Variants in PLA2G12A observed in about 807,000 individuals in gnomAD.
PLA2G12A encodes the protein phospholipase A2 group XIIA, also known as group XIIA secretory phospholipase A2.
PLA2G12A carries 11 observed loss-of-function variants against 16.0 expected under a neutral mutation model. The observed-to-expected ratio is 0.69, with a 90% CI of 0.43 to 1.13. The LOEUF (loss-of-function observed/expected upper bound fraction) is 1.13, where lower values mean the gene tolerates loss of function less well. Ranked by LOEUF, PLA2G12A falls within the 50% of genes most tolerant of loss-of-function variation. The pLI is 0.00. For missense variants in PLA2G12A, 214 were observed against 237.3 expected (o/e 0.90, Z 0.65); for synonymous variants, 77 against 93.8 (o/e 0.82, Z 1.03).
At chr4:109,715,538 T>TGCAG (rs1366499023) in intron 3 of PLA2G12A, among the ~76,000 whole-genome samples, 6 of 152,254 alleles carry the variant, frequency 3.9e-5, no homozygotes, top group Admixed American at 2.6e-4. Context: ...CAGGCTGGAG[T>TGCAG]GCAGTGGCAT....
chr4:109,723,209 T>C (rs1234701189), intron 1 of PLA2G12A, among the ~76,000 whole-genome samples: 1 of 81,412 alleles, frequency 1.2e-5, no homozygotes, highest in Non-Finnish European at 2.3e-5. Context: ...ACATAGACAG[T>C]AGTAAAAAAA....
At chr4:109,716,980 G>A (rs1394947320) in intron 3 of PLA2G12A, among the ~76,000 whole-genome samples, 1 of 152,210 alleles carries the variant, frequency 6.6e-6, no homozygotes, top group Non-Finnish European at 1.5e-5. Context: ...AGTTCCAAAA[G>A]ATGGTAAATG....
At chr4:109,727,283 G>T (rs1424686554) in intron 1 of PLA2G12A, among the ~76,000 whole-genome samples, 1 of 151,812 alleles carries the variant, frequency 6.6e-6, no homozygotes, top group Non-Finnish European at 1.5e-5. Context: ...GCTAATTTTT[G>T]TATTTTTAGT....
At chr4:109,721,257 G>C (rs1376415250) in intron 1 of PLA2G12A, among the ~76,000 whole-genome samples, 3 of 152,106 alleles carry the variant, frequency 2.0e-5, no homozygotes, top group Non-Finnish European at 4.4e-5. Context: ...AGATGACTCA[G>C]GCTATCACAG....
intron 1 of PLA2G12A, among the ~76,000 whole-genome samples, chr4:109,721,536 C>G (rs1209157093): frequency 6.6e-6 from 1 of 151,904 alleles, no homozygotes; most frequent in Non-Finnish European, 1.5e-5. Context: ...TGGCCAGGCT[C>G]GTCTCAAACT....
chr4:109,710,137 T>C lies in PLA2G12A; in HGVS notation c.*4240A>G, dbSNP rs1730695300. Reference sequence around the variant, plus strand: ...CAAACTAAAAATGCTACTTCAAATATAGCAACAGTCACTACATAAGGCTTA... The same window carrying C: ...CAAACTAAAAATGCTACTTCAAATACAGCAACAGTCACTACATAAGGCTTA... On this transcript the variant is annotated 3_prime_UTR_variant, in exon 4 of 4. Transcript: ENST00000243501. The C allele has an allele frequency of 2.0e-5, 3 of 152,222 alleles. No homozygotes were observed. In the South Asian group the frequency reaches 6.2e-4, roughly 32 times the overall value. 9.4% of individuals were successfully genotyped at this position (152,222 alleles called of 1,614,324 possible).
rs148155798 is a variant in PLA2G12A at position 109,724,574 on chromosome 4, G to T, written c.208+5028C>A. ...TGCTGATGATGTGTGTAATGACAGTGATACATATATATGTGTATGCATGCG... is the reference window on the plus strand; with the variant it reads ...TGCTGATGATGTGTGTAATGACAGTTATACATATATATGTGTATGCATGCG... On this transcript the variant is annotated intron_variant, in intron 1 of 3. Coordinates refer to ENST00000243501, the MANE Select transcript of PLA2G12A (RefSeq NM_030821.5). 5.9e-4 allele frequency among the ~76,000 whole-genome samples: 90 copies of T among 152,198 alleles called. No individual in the cohort carries two copies. The East Asian group carries it at 0.012, about 21-fold the overall frequency.
At position 109,711,275 on chromosome 4, in the gene PLA2G12A, A is replaced by C. The variant is rs1379457433; in HGVS notation, c.*3102T>G. The stretch of plus-strand genomic sequence containing the variant: ...ATACATATTTCTCAACTCTGCTACA[A>C]ACAGTGACATCCCAGTAGCAACAAG... On this transcript the variant is annotated 3_prime_UTR_variant, in exon 4 of 4. Coordinates refer to ENST00000243501, the MANE Select transcript of PLA2G12A (RefSeq NM_030821.5). 6.6e-6 allele frequency: 1 copy of C among 152,082 alleles called. No individual in the cohort carries two copies. The highest frequency in any genetic ancestry group is 1.5e-5 in the Non-Finnish European group (1 of 68,006). 9.4% of individuals were successfully genotyped at this position (152,082 alleles called of 1,614,324 possible).
intron 1 of PLA2G12A, 93 bp downstream of exon 1, chr4:109,729,509 T>C (rs1723004567): frequency 3.7e-6 from 5 of 1,339,138 alleles, no homozygotes; most frequent in Non-Finnish European, 5.1e-6. Context: ...ACCGTCAAGG[T>C]CTGCCTTGCA....
Position 109,711,380 on chromosome 4 carries a change from T to TCAACAA in PLA2G12A, c.*2996_*2997insTTGTTG, listed in dbSNP as rs1291382221. On this transcript the variant is annotated 3_prime_UTR_variant, in exon 4 of 4. Coordinates refer to ENST00000243501, the MANE Select transcript of PLA2G12A (RefSeq NM_030821.5). The stretch of plus-strand genomic sequence containing the variant: ...CAGGGCTCTTTGGAGCAGGGGTTGA[T>TCAACAA]TCTAGGGATTCTAGGGTTGGGGCAG... 5 of 152,142 alleles carry TCAACAA rather than the reference T, an allele frequency of 3.3e-5. No individual in the cohort carries two copies. Among genetic ancestry groups the TCAACAA allele is most frequent in the Non-Finnish European group, 7.4e-5 (5 of 68,024 alleles). The allele number at this position is 152,142 out of a possible 1,614,324, so 9.4% of individuals were successfully genotyped here.
chr4:109,720,595 AAAAAAAAAAATATATAT>A (rs1730913384), intron 1 of PLA2G12A, among the ~76,000 whole-genome samples: 1 of 28,714 alleles, frequency 3.5e-5, no homozygotes, highest in African/African-American at 1.7e-4. Flanking sequence ...AAAAAAAAAA[AAAAAAAAAAATATATAT>A]ATATATATAT....
At chr4:109,717,082 G>C (rs1425646107) in intron 3 of PLA2G12A, among the ~76,000 whole-genome samples, 5 of 152,176 alleles carry the variant, frequency 3.3e-5, no homozygotes, top group African/African-American at 1.2e-4. Context: ...CTACGAACTA[G>C]AAAATGAGTC....
intron 1 of PLA2G12A, among the ~76,000 whole-genome samples, chr4:109,726,762 G>A (rs1018801227): frequency 6.6e-6 from 1 of 152,004 alleles, no homozygotes; most frequent in Non-Finnish European, 1.5e-5. Context: ...AGAAAATAAC[G>A]GATCATCAAA....
intron 1 of PLA2G12A, among the ~76,000 whole-genome samples, chr4:109,721,441 C>G (rs1375111626): frequency 6.6e-6 from 1 of 151,914 alleles, no homozygotes; most frequent in African/African-American, 2.4e-5. Flanking sequence ...CCTGCCTCAG[C>G]TTCCCCAGTA....
At chr4:109,715,458 A>T (rs112152615) in intron 3 of PLA2G12A, among the ~76,000 whole-genome samples, 3,830 of 72,308 alleles carry the variant, frequency 0.053, 195 homozygotes, top group African/African-American at 0.11. Flanking sequence ...GGTTTATTTT[A>T]TTTATTTATT....
intron 1 of PLA2G12A, 44 bp downstream of exon 1, chr4:109,729,557 TC>T: frequency 3.2e-6 from 5 of 1,577,170 alleles, no homozygotes; most frequent in Non-Finnish European, 4.3e-6. Context: ...GTCACCCCAA[TC>T]CCCCGAAAGC....
rs544617320 is a variant in PLA2G12A, at chr4:109,729,905, G to A, written c.-96C>T. 320 of 1,102,690 alleles carry A rather than the reference G, an allele frequency of 2.9e-4. 1 individual carries two copies. The African/African-American group carries it at 5.1e-3, about 18-fold the overall frequency. 68.3% of individuals were successfully genotyped at this position (1,102,690 alleles called of 1,614,324 possible). A position where few individuals can be genotyped will look rare whatever the true frequency, so the allele number is the denominator to read the frequency against. On this transcript the variant is annotated 5_prime_UTR_variant, in exon 1 of 4. Transcript: ENST00000243501. Reference sequence around the variant, plus strand: ...GCGCTAGGCAGCGGCGCGGGCCCCGGACTTGGCAGCAGCCAGCTCCATATC... The same window carrying A: ...GCGCTAGGCAGCGGCGCGGGCCCCGAACTTGGCAGCAGCCAGCTCCATATC...
intron 1 of PLA2G12A, among the ~76,000 whole-genome samples, chr4:109,725,200 A>G (rs1722910609): frequency 6.6e-6 from 1 of 152,256 alleles, no homozygotes; most frequent in Non-Finnish European, 1.5e-5. Context: ...ATGAAATTAA[A>G]ATAATTCTTT....
intron 3 of PLA2G12A, among the ~76,000 whole-genome samples, chr4:109,717,039 C>G (rs115511608): frequency 0.012 from 1,859 of 152,268 alleles, 13 homozygotes; most frequent in Middle Eastern, 0.041. Flanking sequence ...CTAGTCCTCT[C>G]CACTAAGTGA....
Sources: gnomAD v4.1 joint callset for allele counts (sites outside exome capture counted in the v4.1 genomes callset) on GRCh38, gnomAD v4.1.1 for gene constraint, MANE v1.5 for transcripts, NCBI Gene and HGNC (gene_info 2026-07-23, HGNC 2026-07-21) for gene names.